The following BACH1 variants were observed in gnomAD, a reference collection of about 807,000 sequenced individuals.
BACH1 encodes BTB domain and CNC homolog 1.
BACH1 carries 35 observed loss-of-function variants against 52.9 expected under a neutral mutation model. The ratio of observed to expected loss-of-function variants is 0.66; its 90% CI spans 0.51 to 0.88. The LOEUF (loss-of-function observed/expected upper bound fraction) is 0.88. BACH1 is among the 40% of genes least tolerant of loss of function. The pLI, the probability that BACH1 is intolerant of heterozygous loss-of-function variation, is 0.00. For synonymous variants in BACH1, 321 were observed against 319.6 expected, an observed-to-expected ratio of 1.00 and a Z score of -0.05; for missense variants, 808 against 872.6, an observed-to-expected ratio of 0.93 and a Z score of 0.93.
In BACH1 at chr21:29,342,980, T is replaced by A; in HGVS notation, c.*147T>A. 1 of 742,338 alleles carries A rather than the reference T, an allele frequency of 1.3e-6. No individual in the cohort carries two copies. The highest frequency in any genetic ancestry group is 2.8e-5 in the South Asian group (1 of 35,368). The allele number at this position is 742,338 out of a possible 1,614,324, so 46.0% of individuals were successfully genotyped here. A position where few individuals can be genotyped will look rare whatever the true frequency, so the allele number is the denominator to read the frequency against. ...AAGGGAATTTCCTTTAAGTCAACCA[T>A]GATTTCTCCTTGATTTCTACAAGAG... On this transcript the variant is annotated 3_prime_UTR_variant, in exon 5 of 5. Coordinates refer to ENST00000286800, the MANE Select transcript of BACH1 (RefSeq NM_001186.4).
chr21:29,308,873 T>C (rs2088688333), intron 1 of BACH1, among the ~76,000 whole-genome samples: 1 of 152,226 alleles, frequency 6.6e-6, no homozygotes, highest in South Asian at 2.1e-4. Context: ...ACTATAGACC[T>C]TGATGATTTA....
intron 4 of BACH1, among the ~76,000 whole-genome samples, chr21:29,335,850 G>C (rs915024571): frequency 3.9e-5 from 6 of 151,968 alleles, no homozygotes; most frequent in African/African-American, 1.5e-4. Context: ...TGTCTTGCTG[G>C]CTGTCATTCC....
chr21:29,324,551 G>A (rs1257905973), intron 2 of BACH1, among the ~76,000 whole-genome samples: 2 of 138,376 alleles, frequency 1.4e-5, no homozygotes, highest in African/African-American at 5.2e-5. Context: ...TAGTATGGAT[G>A]TACCTTGTGT....
At chr21:29,350,146 C>T (rs2089194198), downstream of BACH1, among the ~76,000 whole-genome samples, 1 of 152,174 alleles carries the variant, frequency 6.6e-6, no homozygotes, top group Non-Finnish European at 1.5e-5. Flanking sequence ...TAAAAACCCA[C>T]TTGGCCTAAT....
Position 29,315,983 on chromosome 21 carries a change from T to A in BACH1, c.-60-5238T>A, listed in dbSNP as rs529480695. On this transcript the variant is annotated intron_variant, in intron 1 of 4. Transcript: ENST00000286800. The stretch of plus-strand genomic sequence containing the variant: ...TAAAAAATGTATGGTAGCCTTTTTT[T>A]AAAAAAAAAAATTTGAGGTGTTATT... 7.2e-4 allele frequency among the ~76,000 whole-genome samples: 107 copies of A among 148,854 alleles called. 4 individuals carry two copies. In the South Asian group the frequency reaches 0.02, roughly 27 times the overall value.
At chr21:29,328,732 C>G (rs143543134) in intron 3 of BACH1, among the ~76,000 whole-genome samples, 124 of 152,282 alleles carry the variant, frequency 8.1e-4, no homozygotes, top group African/African-American at 2.9e-3. Flanking sequence ...CTGGCAACCA[C>G]CATTCTACTC....
At chr21:29,347,441 A>G (rs1249468175), downstream of BACH1, among the ~76,000 whole-genome samples, 1 of 152,256 alleles carries the variant, frequency 6.6e-6, no homozygotes, top group Non-Finnish European at 1.5e-5. Flanking sequence ...GGGCCAGGAC[A>G]AAGTACAAAG....
intron 3 of BACH1, among the ~76,000 whole-genome samples, chr21:29,329,077 G>T (rs2123452867): frequency 6.6e-6 from 1 of 152,300 alleles, no homozygotes; most frequent in South Asian, 2.1e-4. Context: ...GGAGGCTGAG[G>T]TGGGTAGATT....
chr21:29,312,007 A>G (rs572704246), intron 1 of BACH1, among the ~76,000 whole-genome samples: 10 of 152,244 alleles, frequency 6.6e-5, no homozygotes, highest in Non-Finnish European at 1.3e-4. Context: ...TGTGCTGTCC[A>G]CCCATAGGTA....
At chr21:29,347,677 G>A (rs899051077), downstream of BACH1, among the ~76,000 whole-genome samples, 2 of 152,218 alleles carry the variant, frequency 1.3e-5, no homozygotes, top group Admixed American at 6.5e-5. Flanking sequence ...GCCTTTGCAG[G>A]TGTGACTGGC....
chr21:29,328,397 TTTTTC>T (rs2088940125), intron 3 of BACH1, among the ~76,000 whole-genome samples: 1 of 151,982 alleles, frequency 6.6e-6, no homozygotes, highest in Non-Finnish European at 1.5e-5. Context: ...ATTAAAATAT[TTTTTC>T]TTTTTTTTGT....
Position 29,345,745 on chromosome 21 carries a change from A to T in BACH1, c.*2912A>T, listed in dbSNP as rs1245591700. 2 of 152,726 alleles carry T rather than the reference A, an allele frequency of 1.3e-5. No individual in the cohort carries two copies. Among genetic ancestry groups the T allele is most frequent in the East Asian group, 3.9e-4 (2 of 5,188 alleles). 9.5% of individuals were successfully genotyped at this position (152,726 alleles called of 1,614,324 possible). On this transcript the variant is annotated 3_prime_UTR_variant, in exon 5 of 5. Coordinates refer to ENST00000286800, the MANE Select transcript of BACH1 (RefSeq NM_001186.4). ...GAAAAAAATGGCAATGTTACGGTGA[A>T]TTCTCAGGTGAACTTTTTTCAGTTA...
At chr21:29,339,203 T>A (rs1285132766) in intron 4 of BACH1, among the ~76,000 whole-genome samples, 1 of 152,204 alleles carries the variant, frequency 6.6e-6, no homozygotes, top group Non-Finnish European at 1.5e-5. Context: ...CAGATTCCCC[T>A]CCTTAGGAAT....
chr21:29,302,581 G>T (rs1601334673), intron 1 of BACH1, among the ~76,000 whole-genome samples: 1 of 152,354 alleles, frequency 6.6e-6, no homozygotes, highest in African/African-American at 2.4e-5. Context: ...TAAAACAGGG[G>T]TGGTGATAGT....
Position 29,318,484 on chromosome 21 carries a change from A to G in BACH1, c.-60-2737A>G, listed in dbSNP as rs1051170595. On this transcript the variant is annotated intron_variant, in intron 1 of 4. Coordinates refer to ENST00000286800, the MANE Select transcript of BACH1 (RefSeq NM_001186.4). The stretch of plus-strand genomic sequence containing the variant: ...GGTCCTCCTGGATGGCTGTTTTACT[A>G]CCTGAATTTCTAGTTTCTCTCAGCT... 5.3e-5 allele frequency among the ~76,000 whole-genome samples: 8 copies of G among 152,274 alleles called. No homozygotes were observed. In the East Asian group the frequency reaches 1.5e-3, roughly 29 times the overall value.
At chr21:29,347,890 G>A (rs1180529237), downstream of BACH1, among the ~76,000 whole-genome samples, 1 of 152,006 alleles carries the variant, frequency 6.6e-6, no homozygotes, top group East Asian at 1.9e-4. Flanking sequence ...ATTCCCATAA[G>A]AAAATGCATG....
intron 1 of BACH1, among the ~76,000 whole-genome samples, chr21:29,306,291 G>T (rs1469273531): frequency 6.6e-6 from 1 of 151,036 alleles, no homozygotes; most frequent in Admixed American, 6.6e-5. Flanking sequence ...TCCTCTTATG[G>T]TTGCAAGATG....
rs1330715469 is a variant in BACH1, at chr21:29,326,669, G to A, written c.845G>A (p.Ser282Asn). The change falls in exon 3 of 5, where the codon AGT becomes AAT. Residue 282 changes from serine to asparagine, a missense_variant. Coordinates refer to ENST00000286800, the MANE Select transcript of BACH1 (RefSeq NM_001186.4). ...DLQVMLKCDE[S>N]KLAMEPEETK... ...CAGGTGATGTTAAAATGTGACGAAA[G>A]TAAATTAGCAATGGAACCTGAAGAA... 6.2e-7 allele frequency: 1 copy of A among 1,614,072 alleles called. No individual in the cohort carries two copies. Among genetic ancestry groups the A allele is most frequent in the Non-Finnish European group, 8.5e-7 (1 of 1,180,032 alleles).
In BACH1 at chr21:29,337,705, G is replaced by T. The variant is rs186047996; in HGVS notation, c.1777-4694G>T. ...CACACACCGGGGCCTGTCGTCGGGT[G>T]GGGGAGTGGGGAGGGATAGCATTAG... On this transcript the variant is annotated intron_variant, in intron 4 of 4. Transcript: ENST00000286800. Among the ~76,000 whole-genome samples the T allele has an allele frequency of 1.1e-3, 165 of 152,244 alleles. 2 individuals are homozygous for T. Among genetic ancestry groups the T allele is most frequent in the African/African-American group, 3.9e-3 (163 of 41,532 alleles).
Sources: allele counts gnomAD v4.1 joint callset (sites outside exome capture counted in the v4.1 genomes callset), GRCh38; gene constraint gnomAD v4.1.1; transcripts MANE v1.5; gene names NCBI Gene and HGNC (gene_info 2026-07-23, HGNC 2026-07-21).